DGKI: variants seen among roughly 807,000 people sequenced by gnomAD.
DGKI encodes DAG kinase iota.
In DGKI, 55 loss-of-function variants were observed where a neutral mutation model predicts 147.5. That is an observed-to-expected ratio of 0.37 (90% CI 0.30 to 0.47). The LOEUF is 0.47. Among genes scored for constraint, DGKI ranks in the 20% least tolerant of loss-of-function variants. The probability of loss-of-function intolerance (pLI) is 1.00; values close to 1 mark genes in which losing one functional copy is unlikely to be tolerated. For synonymous variants in DGKI, 469 were observed against 477.1 expected (o/e 0.98, Z 0.22); for missense variants, 1,007 against 1,323.8 (o/e 0.76, Z 3.71).
intron 1 of DGKI, among the ~76,000 whole-genome samples, chr7:137,766,012 C>T (rs1025086459): frequency 6.6e-6 from 1 of 152,176 alleles, no homozygotes; most frequent in African/African-American, 2.4e-5. Flanking sequence ...GCTACCTGAA[C>T]AGGAGATTTC....
chr7:137,516,634 C>G (rs553319757), intron 21 of DGKI, among the ~76,000 whole-genome samples: 257 of 151,668 alleles, frequency 1.7e-3, no homozygotes, highest in African/African-American at 5.9e-3. Flanking sequence ...ACGGTAAGGA[C>G]TCAATAAAGG....
chr7:137,734,042 A>G (rs1794956347), intron 1 of DGKI, among the ~76,000 whole-genome samples: 2 of 152,126 alleles, frequency 1.3e-5, no homozygotes, highest in South Asian at 4.1e-4. Flanking sequence ...ATGCACTGCC[A>G]TCTACTCAGT....
intron 8 of DGKI, among the ~76,000 whole-genome samples, chr7:137,618,151 A>ATATATATATATATATTTTTT: frequency 2.9e-4 from 3 of 10,464 alleles, no homozygotes; most frequent in Admixed American, 3.6e-3. Flanking sequence ...ATATATATAT[A>ATATATATATATATATTTTTT]TTTTTTTTTT....
chr7:137,635,217 A>G (rs1186027590), intron 6 of DGKI, among the ~76,000 whole-genome samples: 1 of 152,126 alleles, frequency 6.6e-6, no homozygotes, highest in African/African-American at 2.4e-5. Context: ...GATGGATGCT[A>G]TATGTGGGTC....
intron 17 of DGKI, among the ~76,000 whole-genome samples, chr7:137,576,151 C>T (rs1042834559): frequency 1.3e-5 from 2 of 151,548 alleles, no homozygotes; most frequent in South Asian, 4.2e-4. Context: ...CAATCTCCTG[C>T]CTCAGCCTCC....
At chr7:137,644,291 A>AAAAGAG (rs1020941641) in intron 6 of DGKI, among the ~76,000 whole-genome samples, 1 of 152,226 alleles carries the variant, frequency 6.6e-6, no homozygotes, top group Non-Finnish European at 1.5e-5. Context: ...TTTACAGGAT[A>AAAAGAG]AAAGAGAACC....
intron 19 of DGKI, among the ~76,000 whole-genome samples, chr7:137,569,955 G>C (rs1159739507): frequency 6.6e-6 from 1 of 151,892 alleles, no homozygotes; most frequent in Non-Finnish European, 1.5e-5. Flanking sequence ...CTAGAGATGA[G>C]TTAACAAGGG....
rs147516442 is a variant in DGKI, at chr7:137,699,341, G to A, written c.402-9339C>T. On this transcript the variant is annotated intron_variant, in intron 1 of 32. Coordinates refer to ENST00000614521, the MANE Select transcript of DGKI (RefSeq NM_001321708.2). The stretch of plus-strand genomic sequence containing the variant: ...CATACAGGCAAATGCCCTGGTATGG[G>A]GTAAATAAAGAGCATGTTAAGAACA... Among the ~76,000 whole-genome samples, 103 of 152,276 alleles carry A rather than the reference G, an allele frequency of 6.8e-4. No individual in the cohort carries two copies. The East Asian group carries it at 0.015, about 22-fold the overall frequency.
chr7:137,476,411 T>C (rs1815174004), intron 23 of DGKI, among the ~76,000 whole-genome samples: 1 of 152,218 alleles, frequency 6.6e-6, no homozygotes, highest in Non-Finnish European at 1.5e-5. Context: ...TGGCTATAGA[T>C]TAAATAAAGC....
chr7:137,518,275 A>G (rs1197455725), intron 21 of DGKI, among the ~76,000 whole-genome samples: 1 of 152,132 alleles, frequency 6.6e-6, no homozygotes, highest in African/African-American at 2.4e-5. Flanking sequence ...TTTACAGATG[A>G]GAGATTTGAT....
chr7:137,824,091 GTTAAAAAAAATTAC>G (rs904870544), intron 1 of DGKI, among the ~76,000 whole-genome samples: 5 of 152,130 alleles, frequency 3.3e-5, no homozygotes, highest in Admixed American at 6.5e-5. Context: ...AGAAGGGACA[GTTAAAAAAAATTAC>G]CAAACAGCAC....
intron 1 of DGKI, among the ~76,000 whole-genome samples, chr7:137,717,998 C>T (rs1389425921): frequency 6.6e-6 from 1 of 152,188 alleles, no homozygotes; most frequent in Non-Finnish European, 1.5e-5. Context: ...AGGAGTACTG[C>T]TCGGAGGTTG....
chr7:137,671,999 G>A (rs142116266), intron 3 of DGKI, among the ~76,000 whole-genome samples: 194 of 152,304 alleles, frequency 1.3e-3, no homozygotes, highest in Non-Finnish European at 1.9e-3. Context: ...ACAGCATCCT[G>A]AAGTCTGACA....
At chr7:137,569,035 C>T (rs1247993511) in intron 19 of DGKI, among the ~76,000 whole-genome samples, 1 of 151,976 alleles carries the variant, frequency 6.6e-6, no homozygotes, top group Non-Finnish European at 1.5e-5. Flanking sequence ...AGAGAGAGCA[C>T]ACGTGCAATG....
intron 6 of DGKI, among the ~76,000 whole-genome samples, chr7:137,638,561 T>C (rs13223889): frequency 6.4e-5 from 7 of 109,344 alleles, no homozygotes; most frequent in African/African-American, 1.1e-4. Context: ...TGTGTATATA[T>C]ATACACACAT....
At chr7:137,618,151 A>ATATATATATATATATATATATTTTTTTTT in intron 8 of DGKI, among the ~76,000 whole-genome samples, 1 of 10,464 alleles carries the variant, frequency 9.6e-5, no homozygotes, top group African/African-American at 1.2e-4. Flanking sequence ...ATATATATAT[A>ATATATATATATATATATATATTTTTTTTT]TTTTTTTTTT....
intron 8 of DGKI, among the ~76,000 whole-genome samples, chr7:137,614,826 C>T (rs903439194): frequency 6.6e-6 from 1 of 152,052 alleles, no homozygotes; most frequent in Non-Finnish European, 1.5e-5. Flanking sequence ...AATAGATTTC[C>T]TTTACTCCTC....
At chr7:137,621,681 C>A (rs569229784) in intron 7 of DGKI, among the ~76,000 whole-genome samples, 3 of 152,332 alleles carry the variant, frequency 2.0e-5, no homozygotes, top group Non-Finnish European at 4.4e-5. Flanking sequence ...CTGACCAAAG[C>A]TCTACCACAA....
chr7:137,575,162 T>A (rs182935714), intron 17 of DGKI, among the ~76,000 whole-genome samples: 105 of 152,336 alleles, frequency 6.9e-4, no homozygotes, highest in African/African-American at 2.5e-3. Flanking sequence ...TTCCCCAAAG[T>A]CATATACCTA....
Sources: gnomAD v4.1 joint callset for allele counts (sites outside exome capture counted in the v4.1 genomes callset) on GRCh38, gnomAD v4.1.1 for gene constraint, MANE v1.5 for transcripts, NCBI Gene and HGNC (gene_info 2026-07-23, HGNC 2026-07-21) for gene names.